TADA2A: variants seen among roughly 807,000 people sequenced by gnomAD.
TADA2A encodes transcriptional adapter 2-alpha.
In TADA2A, 38 loss-of-function variants were observed where a neutral mutation model predicts 67.4. The ratio of observed to expected loss-of-function variants is 0.56; its 90% CI spans 0.44 to 0.74. The LOEUF is 0.74. TADA2A is among the 30% of genes least tolerant of loss of function. TADA2A has a pLI of 0.00. For synonymous variants in TADA2A, 192 were observed against 181.6 expected (o/e 1.06, Z -0.46); for missense variants, 454 against 547.0 (o/e 0.83, Z 1.70).
At chr17:37,466,467 A>T (rs1039721566) in intron 11 of TADA2A, among the ~76,000 whole-genome samples, 2 of 152,212 alleles carry the variant, frequency 1.3e-5, no homozygotes, top group African/African-American at 4.8e-5. Flanking sequence ...TGTTAAAATA[A>T]TATGGACTCT....
chr17:37,442,810 G>T (rs894952010), intron 7 of TADA2A, among the ~76,000 whole-genome samples, 158 bp downstream of exon 7: 1 of 152,066 alleles, frequency 6.6e-6, no homozygotes, highest in Non-Finnish European at 1.5e-5. Context: ...TTAGGTTTGA[G>T]TGCCTTTTCT....
chr17:37,455,314 TA>T (rs35483722), intron 8 of TADA2A, among the ~76,000 whole-genome samples: 68,697 of 138,794 alleles, frequency 0.49, 17,069 homozygotes, highest in East Asian at 0.8. Flanking sequence ...TTCTGGTTAT[TA>T]AAAAAAAAAA....
At chr17:37,417,660 G>A (rs1219408928) in intron 2 of TADA2A, among the ~76,000 whole-genome samples, 1 of 151,632 alleles carries the variant, frequency 6.6e-6, no homozygotes, top group East Asian at 2.0e-4. Context: ...ACAGCCTCCC[G>A]AGTAGCTAGG....
intron 4 of TADA2A, among the ~76,000 whole-genome samples, chr17:37,433,781 T>C (rs928508863): frequency 1.3e-5 from 2 of 152,002 alleles, no homozygotes; most frequent in Non-Finnish European, 2.9e-5. Context: ...GGTGAAACCC[T>C]ATCTCTACTA....
intron 15 of TADA2A, among the ~76,000 whole-genome samples, chr17:37,475,360 T>G (rs2053871870): frequency 6.6e-6 from 1 of 152,022 alleles, no homozygotes. Context: ...TAGTTTTTAG[T>G]AGAGATGGGG....
intron 14 of TADA2A, among the ~76,000 whole-genome samples, chr17:37,472,229 C>G (rs141358008): frequency 2.3e-3 from 355 of 152,082 alleles, no homozygotes; most frequent in African/African-American, 5.9e-3. Context: ...CTATGCCCAG[C>G]TGATTTTTGT....
chr17:37,459,909 T>C (rs888714583), intron 9 of TADA2A, among the ~76,000 whole-genome samples: 3 of 150,178 alleles, frequency 2.0e-5, no homozygotes, highest in African/African-American at 4.9e-5. Flanking sequence ...CTACTAAAAA[T>C]ACAAAAATTA....
intron 10 of TADA2A, among the ~76,000 whole-genome samples, chr17:37,462,411 G>A (rs2053566415): frequency 6.6e-6 from 1 of 151,888 alleles, no homozygotes. Context: ...GGCAGATCAC[G>A]AGGTCAGGAG....
chr17:37,419,464 G>A lies in TADA2A; in HGVS notation c.26-4045G>A, dbSNP rs144677419. Among the ~76,000 whole-genome samples, 1,011 of 146,282 alleles carry A rather than the reference G, an allele frequency of 6.9e-3. 84 individuals carry two copies. The highest frequency in any genetic ancestry group is 0.022 in the African/African-American group (872 of 40,540). ...GCTGGAATTACGTGCATGAGCCACC[G>A]TGGCCCGTGCAGTAATTGCTTCTTG... On this transcript the variant is annotated intron_variant, in intron 2 of 15. Coordinates refer to ENST00000615182, the MANE Select transcript of TADA2A (RefSeq NM_001166105.3).
At chr17:37,464,608 G>C (rs2053619573) in intron 10 of TADA2A, among the ~76,000 whole-genome samples, 1 of 151,866 alleles carries the variant, frequency 6.6e-6, no homozygotes, top group Admixed American at 6.6e-5. Flanking sequence ...GGGAGGCCGA[G>C]GCGAGCAGAT....
rs374515736 is a variant in TADA2A, at chr17:37,462,675, T to G, written c.712+554T>G. On this transcript the variant is annotated intron_variant, in intron 10 of 15. Coordinates refer to ENST00000615182, the MANE Select transcript of TADA2A (RefSeq NM_001166105.3). ...AAGCAAATAAATAAATGTATTAATT[T>G]GTAGTCAATAAAACTTGTATTAAAA... is the stretch of plus-strand genomic sequence containing the variant. 3.9e-5 allele frequency among the ~76,000 whole-genome samples: 6 copies of G among 152,262 alleles called. No individual in the cohort carries two copies. In the East Asian group the frequency reaches 7.7e-4, roughly 20 times the overall value.
chr17:37,410,437 G>C (rs1303134303), intron 1 of TADA2A, among the ~76,000 whole-genome samples: 1 of 151,502 alleles, frequency 6.6e-6, no homozygotes, highest in African/African-American at 2.4e-5. Flanking sequence ...CAGCCTCCCA[G>C]AGTGCTGGGA....
intron 4 of TADA2A, among the ~76,000 whole-genome samples, chr17:37,429,791 T>C (rs1002408827): frequency 3.5e-5 from 5 of 142,800 alleles, no homozygotes; most frequent in African/African-American, 1.3e-4. Flanking sequence ...GGGAGCCAAC[T>C]AACTAGCCTT....
intron 5 of TADA2A, chr17:37,438,164 T>C (rs2052789707): frequency 5.4e-6 from 1 of 185,724 alleles, no homozygotes; most frequent in Non-Finnish European, 1.1e-5. Flanking sequence ...TGAATTTTTG[T>C]TAGTTGTAGA....
chr17:37,411,886 A>T (rs2051884803), intron 2 of TADA2A, among the ~76,000 whole-genome samples: 1 of 152,062 alleles, frequency 6.6e-6, no homozygotes, highest in Admixed American at 6.6e-5. Context: ...CATTGAACAC[A>T]TGACACAAAC....
At chr17:37,452,378 G>C (rs747643623) in intron 8 of TADA2A, among the ~76,000 whole-genome samples, 1 of 152,126 alleles carries the variant, frequency 6.6e-6, no homozygotes, top group Non-Finnish European at 1.5e-5. Flanking sequence ...ACTCCAGCCT[G>C]GGAGACAGAG....
chr17:37,444,912 T>G, intron 8 of TADA2A, 144 bp downstream of exon 8: 1 of 754,710 alleles, frequency 1.3e-6, no homozygotes, highest in South Asian at 1.8e-5. Context: ...CTGAACTTAC[T>G]GTGTTGTTGG....
At chr17:37,463,167 A>G (rs2148027308) in intron 10 of TADA2A, among the ~76,000 whole-genome samples, 2 of 152,240 alleles carry the variant, frequency 1.3e-5, no homozygotes, top group South Asian at 4.2e-4. Flanking sequence ...AGCAGGGCAG[A>G]AAAAGTCCCT....
chr17:37,447,652 AG>A (rs2053121811), intron 8 of TADA2A, among the ~76,000 whole-genome samples: 1 of 152,224 alleles, frequency 6.6e-6, no homozygotes. Context: ...GAAGCTTGTC[AG>A]CACTACAGAC....
Sources: allele counts gnomAD v4.1 joint callset (sites outside exome capture counted in the v4.1 genomes callset), GRCh38; gene constraint gnomAD v4.1.1; transcripts MANE v1.5; gene names NCBI Gene and HGNC (gene_info 2026-07-23, HGNC 2026-07-21).